The following SCHIP1 variants were observed in gnomAD, a reference collection of about 807,000 sequenced individuals.
The protein encoded by SCHIP1 is schwannomin-interacting protein 1.
A neutral mutation model predicts 29.7 loss-of-function variants in SCHIP1; 8 were observed. That is an observed-to-expected ratio of 0.27 (90% CI 0.16 to 0.49). The LOEUF is 0.49. Ranked by LOEUF, SCHIP1 falls within the 20% of genes least tolerant of loss-of-function variation. The pLI, the probability that SCHIP1 is intolerant of heterozygous loss-of-function variation, is 0.99. For synonymous variants in SCHIP1, 76 were observed against 94.9 expected (o/e 0.80, Z 1.16); for missense variants, 193 against 294.6 (o/e 0.66, Z 2.52).
chr3:159,805,529 C>T, the SCHIP1 span, among the ~76,000 whole-genome samples: 7 of 152,190 alleles, frequency 4.6e-5, no homozygotes, highest in Non-Finnish European at 8.8e-5. Flanking sequence ...GCCTCCCTCA[C>T]CTTGCTGATC....
At chr3:159,800,966 GTTT>G in the SCHIP1 span, among the ~76,000 whole-genome samples, 3 of 145,032 alleles carry the variant, frequency 2.1e-5, no homozygotes, top group African/African-American at 2.5e-5. Context: ...AACTAAGTCT[GTTT>G]TTTTTTTTTT....
At chr3:159,630,975 A>C in the SCHIP1 span, among the ~76,000 whole-genome samples, 2 of 152,200 alleles carry the variant, frequency 1.3e-5, no homozygotes, top group Non-Finnish European at 2.9e-5. Context: ...AAGTTGAATT[A>C]CAAGGAAAGT....
the SCHIP1 span, among the ~76,000 whole-genome samples, chr3:159,649,141 C>T: frequency 6.6e-6 from 1 of 152,118 alleles, no homozygotes; most frequent in African/African-American, 2.4e-5. Flanking sequence ...GCCATTTTGA[C>T]AGGAGGTAAT....
the SCHIP1 span, among the ~76,000 whole-genome samples, chr3:159,512,649 G>A: frequency 3.3e-5 from 5 of 152,278 alleles, no homozygotes; most frequent in South Asian, 2.1e-4. Context: ...GGTGAAACAC[G>A]AACATCATGG....
At chr3:159,394,609 G>A in the SCHIP1 span, among the ~76,000 whole-genome samples, 52 of 151,910 alleles carry the variant, frequency 3.4e-4, no homozygotes, top group African/African-American at 1.2e-3. Context: ...TTATATGCTG[G>A]ATTACATTTA....
the SCHIP1 span, among the ~76,000 whole-genome samples, chr3:159,529,452 CCTTT>C: frequency 2.0e-5 from 3 of 152,018 alleles, no homozygotes; most frequent in Non-Finnish European, 2.9e-5. Context: ...CTACATGTTC[CCTTT>C]TTTTTATTTT....
chr3:159,434,296 TGA>T, the SCHIP1 span, among the ~76,000 whole-genome samples: 1 of 152,030 alleles, frequency 6.6e-6, no homozygotes, highest in Non-Finnish European at 1.5e-5. Flanking sequence ...TCTGGGACAC[TGA>T]GAGAGAGAGG....
chr3:159,492,201 C>T, the SCHIP1 span, among the ~76,000 whole-genome samples: 1 of 152,188 alleles, frequency 6.6e-6, no homozygotes, highest in Non-Finnish European at 1.5e-5. Context: ...CGCCTCTCCT[C>T]CTCCAAAGGA....
At chr3:159,774,940 T>C in the SCHIP1 span, among the ~76,000 whole-genome samples, 1 of 152,248 alleles carries the variant, frequency 6.6e-6, no homozygotes, top group African/African-American at 2.4e-5. Context: ...AATATCACAT[T>C]AATCATTTTT....
chr3:159,490,621 G>C, the SCHIP1 span, among the ~76,000 whole-genome samples: 6 of 152,176 alleles, frequency 3.9e-5, no homozygotes, highest in Admixed American at 1.3e-4. Flanking sequence ...GTGGAGAAAT[G>C]ATGAATCTAA....
At chr3:159,680,697 A>ATT in the SCHIP1 span, among the ~76,000 whole-genome samples, 6 of 6,594 alleles carry the variant, frequency 9.1e-4, no homozygotes, top group Admixed American at 7.4e-3. Flanking sequence ...GTATATATAT[A>ATT]ATATATATTA....
the SCHIP1 span, among the ~76,000 whole-genome samples, chr3:159,607,428 A>G: frequency 5.9e-5 from 9 of 152,210 alleles, no homozygotes; most frequent in Non-Finnish European, 1.3e-4. Context: ...TTCCAAAATT[A>G]TAACAGAGAT....
chr3:159,721,419 ACTGT>A, the SCHIP1 span: 1 of 152,260 alleles, frequency 6.6e-6, no homozygotes, highest in East Asian at 1.9e-4. Flanking sequence ...TGTTTTTGGA[ACTGT>A]CTAATGGCAA....
At chr3:159,374,262 T>C in the SCHIP1 span, among the ~76,000 whole-genome samples, 2 of 152,152 alleles carry the variant, frequency 1.3e-5, no homozygotes, top group African/African-American at 4.8e-5. Context: ...TACTTTGCTC[T>C]GGACTCAGCA....
chr3:159,431,147 C>G, the SCHIP1 span, among the ~76,000 whole-genome samples: 1 of 152,048 alleles, frequency 6.6e-6, no homozygotes, highest in East Asian at 1.9e-4. Flanking sequence ...CAAAACAACA[C>G]AAAACAACAC....
At chr3:159,561,620 C>A in the SCHIP1 span, among the ~76,000 whole-genome samples, 2 of 151,878 alleles carry the variant, frequency 1.3e-5, no homozygotes, top group Non-Finnish European at 2.9e-5. Flanking sequence ...TTAAAGAAAT[C>A]TTGTAGTTTT....
At chr3:159,648,819 T>A in the SCHIP1 span, among the ~76,000 whole-genome samples, 1 of 151,992 alleles carries the variant, frequency 6.6e-6, no homozygotes, top group Non-Finnish European at 1.5e-5. Context: ...TAGCTCTCAG[T>A]GGTCCAAGTA....
chr3:159,652,588 C>T, the SCHIP1 span, among the ~76,000 whole-genome samples: 1 of 151,984 alleles, frequency 6.6e-6, no homozygotes, highest in Non-Finnish European at 1.5e-5. Context: ...CAATTACAGC[C>T]AATAAGTGCC....
chr3:159,386,397 A>G, the SCHIP1 span, among the ~76,000 whole-genome samples: 1 of 152,224 alleles, frequency 6.6e-6, no homozygotes, highest in African/African-American at 2.4e-5. Flanking sequence ...AAACAAATGG[A>G]AAAACATTCC....
Sources: gnomAD v4.1 joint callset for allele counts (sites outside exome capture counted in the v4.1 genomes callset) on GRCh38, gnomAD v4.1.1 for gene constraint, MANE v1.5 for transcripts, NCBI Gene and HGNC (gene_info 2026-07-23, HGNC 2026-07-21) for gene names.